Variants in LRRC4B observed in about 807,000 individuals in gnomAD.
LRRC4B encodes leucine-rich repeat-containing protein 4B.
LRRC4B carries 1 observed loss-of-function variant against 7.3 expected under a neutral mutation model. That is an observed-to-expected ratio of 0.14 (90% CI 0.05 to 0.65). LRRC4B has a LOEUF of 0.65. Ranked by LOEUF, LRRC4B falls within the 30% of genes least tolerant of loss-of-function variation. LRRC4B has a pLI of 0.84. For missense variants in LRRC4B, 730 were observed against 1,041.6 expected (o/e 0.70, Z 4.12); for synonymous variants, 500 against 499.2 (o/e 1.00, Z -0.02).
At chr19:50,543,387 G>A (rs986246992) in intron 2 of LRRC4B, among the ~76,000 whole-genome samples, 6 of 141,272 alleles carry the variant, frequency 4.2e-5, no homozygotes, top group African/African-American at 1.7e-4. Flanking sequence ...TAAGGGAGAA[G>A]TACACTCAAA....
chr19:50,544,098 T>C (rs1382270570), intron 2 of LRRC4B, among the ~76,000 whole-genome samples: 4 of 151,868 alleles, frequency 2.6e-5, no homozygotes, highest in Admixed American at 2.6e-4. Flanking sequence ...TCCCAGCTAC[T>C]TGGGAGGCTG....
chr19:50,534,842 T>C (rs1981194349), intron 2 of LRRC4B, among the ~76,000 whole-genome samples: 1 of 152,230 alleles, frequency 6.6e-6, no homozygotes, highest in Admixed American at 6.5e-5. Flanking sequence ...TTAAGTGAAC[T>C]GTTCATCTTA....
In LRRC4B at chr19:50,541,697, C is replaced by T. The variant is rs1226997720; in HGVS notation, c.297+6845G>A. ...GGCCCCAGGAGGGACCCAGAGCCGC[C>T]CGCTAAAAGCCTTGGGTGGATTCAG... On this transcript the variant is annotated intron_variant, in intron 2 of 2. Coordinates refer to ENST00000652263, the MANE Select transcript of LRRC4B (RefSeq NM_001080457.2). 3.9e-5 allele frequency among the ~76,000 whole-genome samples: 6 copies of T among 152,220 alleles called. 1 individual carries two copies. Among genetic ancestry groups the T allele is most frequent in the East Asian group, 1.9e-4 (1 of 5,208 alleles).
chr19:50,547,328 T>G (rs1264464481), intron 2 of LRRC4B, among the ~76,000 whole-genome samples: 2 of 151,716 alleles, frequency 1.3e-5, no homozygotes, highest in Non-Finnish European at 2.9e-5. Context: ...ACTGCTCCCC[T>G]GAGAGGTCCC....
chr19:50,552,066 TG>T (rs1982091075), intron 1 of LRRC4B, among the ~76,000 whole-genome samples: 3 of 151,984 alleles, frequency 2.0e-5, no homozygotes, highest in Admixed American at 6.5e-5. Context: ...GGAGGAAGGT[TG>T]CCGGCTGGGC....
intron 2 of LRRC4B, among the ~76,000 whole-genome samples, chr19:50,540,934 A>G (rs1160535643): frequency 6.6e-6 from 1 of 151,992 alleles, no homozygotes; most frequent in Non-Finnish European, 1.5e-5. Context: ...CTGTAATCCC[A>G]GCACTTTGGG....
Position 50,552,628 on chromosome 19 carries a change from T to TGTC in LRRC4B, c.-35-3756_-35-3755insGAC, listed in dbSNP as rs1568733912. Among the ~76,000 whole-genome samples, 59 of 67,844 alleles carry TGTC rather than the reference T, an allele frequency of 8.7e-4. 1 individual carries two copies. The highest frequency in any genetic ancestry group is 6.0e-3 in the Middle Eastern group (1 of 168). The allele number at this position is 67,844 out of a possible 152,430, so 44.5% of individuals were successfully genotyped here. Reference sequence around the variant, plus strand: ...TCCATCCATCCATCCATCCATCCATTCATCCATCCGCCCATCCGTCCATCC... The same window carrying TGTC: ...TCCATCCATCCATCCATCCATCCATTGTCCATCCATCCGCCCATCCGTCCATCC... On this transcript the variant is annotated intron_variant, in intron 1 of 2. Transcript: ENST00000652263.
chr19:50,560,367 C>T (rs1982424540), intron 1 of LRRC4B, among the ~76,000 whole-genome samples: 1 of 150,434 alleles, frequency 6.6e-6, no homozygotes, highest in African/African-American at 2.5e-5. Context: ...ATCAACTAGA[C>T]CTGGGTTTGA....
At chr19:50,527,977 G>A (rs914775440) in intron 2 of LRRC4B, among the ~76,000 whole-genome samples, 12 of 151,764 alleles carry the variant, frequency 7.9e-5, no homozygotes, top group Non-Finnish European at 1.5e-4. Flanking sequence ...TCCTGACCTC[G>A]TGATCTGCCT....
chr19:50,560,029 G>T (rs1414094759), intron 1 of LRRC4B, among the ~76,000 whole-genome samples: 1 of 152,298 alleles, frequency 6.6e-6, no homozygotes, highest in East Asian at 1.9e-4. Context: ...CAGCTACTCG[G>T]GAGGCTGAGG....
rs1425624563 is a variant in LRRC4B at position 50,548,817 on chromosome 19, G to A, written c.22C>T (p.Pro8Ser). The A allele has an allele frequency of 1.1e-5, 16 of 1,498,358 alleles. No homozygotes were observed. The highest frequency in any genetic ancestry group is 1.3e-5 in the Non-Finnish European group (15 of 1,128,630). 92.8% of individuals were successfully genotyped at this position (1,498,358 alleles called of 1,614,324 possible). A position where few individuals can be genotyped will look rare whatever the true frequency, so the allele number is the denominator to read the frequency against. The change falls in exon 2 of 3, where the codon CCG becomes TCG. Residue 8 changes from proline (P) to serine (S), a missense_variant. Transcript: ENST00000652263. This position sits in a 1 kb window ranked among gnomAD's most constrained non-coding sequence, Gnocchi z 6.8. ...CTACCGGGCGGCAGCGGGGGGCACG[G>A]GGAGCCGCGGGCACGCGCCATCCTC... is the stretch of plus-strand genomic sequence containing the variant. MARARGS[P>S]CPPLPPGRMS...
chr19:50,552,692 C>CCATCCATT lies in LRRC4B; in HGVS notation c.-35-3820_-35-3819insAATGGATG, dbSNP rs1568734116. Among the ~76,000 whole-genome samples the CCATCCATT allele has an allele frequency of 1.6e-3, 207 of 133,044 alleles. 1 individual carries two copies. The highest frequency in any genetic ancestry group is 6.6e-3 in the African/African-American group (190 of 28,584). 87.3% of individuals were successfully genotyped at this position (133,044 alleles called of 152,430 possible). ...TCCATCCATCCATCCATCCATCCGT[C>CCATCCATT]CATCCATCCGCCCATCCGTCCATCC... On this transcript the variant is annotated intron_variant, in intron 1 of 2. Transcript: ENST00000652263.
rs903212560 is a variant in LRRC4B at position 50,556,811 on chromosome 19, G to C, written c.-35-7938C>G. Among the ~76,000 whole-genome samples, 3 of 152,182 alleles carry C rather than the reference G, an allele frequency of 2.0e-5. No individual in the cohort carries two copies. The highest frequency in any genetic ancestry group is 4.4e-5 in the Non-Finnish European group (3 of 68,020). On this transcript the variant is annotated intron_variant, in intron 1 of 2. Coordinates refer to ENST00000652263, the MANE Select transcript of LRRC4B (RefSeq NM_001080457.2). The surrounding 1 kb of genome is among the most constrained non-coding windows in gnomAD (Gnocchi z 4.2). ...GAGGCAAGGAGCCCTGGGTCTCTAG[G>C]GAGGCAAGTGTGGGGGTGGGGGAGC...
At chr19:50,531,782 G>A (rs1425549688) in intron 2 of LRRC4B, among the ~76,000 whole-genome samples, 1 of 152,168 alleles carries the variant, frequency 6.6e-6, no homozygotes, top group Non-Finnish European at 1.5e-5. Context: ...ACCTCTCTGA[G>A]CCCACTTTCC....
intron 1 of LRRC4B, among the ~76,000 whole-genome samples, chr19:50,560,824 C>T (rs1982437050): frequency 6.6e-6 from 1 of 152,226 alleles, no homozygotes; most frequent in East Asian, 1.9e-4. Context: ...TGCAGTGGCT[C>T]ACGCCTGTAA....
rs1982159772 is a variant in LRRC4B, at chr19:50,553,185, A to G, written c.-35-4312T>C. On this transcript the variant is annotated intron_variant, in intron 1 of 2. Coordinates refer to ENST00000652263, the MANE Select transcript of LRRC4B (RefSeq NM_001080457.2). This position sits in a 1 kb window ranked among gnomAD's most constrained non-coding sequence, Gnocchi z 4.2. Reference sequence around the variant, plus strand: ...GACCTGGCTCCCATCTCCCTCTTGAACGATTACAGTGTCCTCCCCTCCAGC... The same window carrying G: ...GACCTGGCTCCCATCTCCCTCTTGAGCGATTACAGTGTCCTCCCCTCCAGC... 6.6e-6 allele frequency among the ~76,000 whole-genome samples: 1 copy of G among 151,900 alleles called. No individual in the cohort carries two copies. The highest frequency in any genetic ancestry group is 2.4e-5 in the African/African-American group (1 of 41,342).
At chr19:50,520,997 C>T (rs973696442) in intron 2 of LRRC4B, among the ~76,000 whole-genome samples, 2 of 152,106 alleles carry the variant, frequency 1.3e-5, no homozygotes, top group African/African-American at 2.4e-5. Context: ...CCCAAATGTT[C>T]CTCAGCAGGT....
intron 2 of LRRC4B, among the ~76,000 whole-genome samples, chr19:50,524,809 G>A (rs1335987135): frequency 1.3e-5 from 2 of 152,198 alleles, no homozygotes; most frequent in Non-Finnish European, 2.9e-5. Context: ...AGCAACGCAT[G>A]CAGTCCCCGA....
intron 2 of LRRC4B, among the ~76,000 whole-genome samples, chr19:50,531,840 G>A (rs76052275): frequency 0.012 from 1,801 of 152,272 alleles, 28 homozygotes; most frequent in African/African-American, 0.04. Context: ...GACAGTGAGC[G>A]CTTGGGATGA....
Sources: gnomAD v4.1 joint callset for allele counts (sites outside exome capture counted in the v4.1 genomes callset) on GRCh38, gnomAD v4.1.1 for gene constraint, Gnocchi (gnomAD v3.1) non-coding constraint, MANE v1.5 for transcripts, NCBI Gene and HGNC (gene_info 2026-07-23, HGNC 2026-07-21) for gene names.